The following TPRG1 variants were observed in gnomAD, a reference collection of about 807,000 sequenced individuals.
TPRG1 encodes the protein tumor protein p63 regulated 1, also known as tumor protein p63-regulated gene 1 protein.
A neutral mutation model predicts 29.3 loss-of-function variants in TPRG1; 29 were observed. The ratio of observed to expected loss-of-function variants is 0.99; its 90% CI spans 0.74 to 1.35. The LOEUF is 1.35. TPRG1 is among the 40% of genes most tolerant of loss of function. TPRG1 has a pLI of 0.00. For missense variants in TPRG1, 327 were observed against 335.0 expected (o/e 0.98, Z 0.19); for synonymous variants, 130 against 116.8 (o/e 1.11, Z -0.73).
chr3:189,225,494 A>C (rs1737586219), intron 3 of TPRG1, among the ~76,000 whole-genome samples: 1 of 152,206 alleles, frequency 6.6e-6, no homozygotes. Context: ...CAATAATTTA[A>C]ACATAGTCTT....
chr3:189,151,467 C>T (rs13087996), intron 5 of TPRG1, among the ~76,000 whole-genome samples: 42,561 of 151,926 alleles, frequency 0.28, 6,791 homozygotes, highest in South Asian at 0.43. Context: ...TAAGGTATTA[C>T]TTTGTGCTTA....
chr3:189,062,213 G>T (rs574609648), intron 4 of TPRG1, among the ~76,000 whole-genome samples: 1 of 151,994 alleles, frequency 6.6e-6, no homozygotes, highest in Admixed American at 6.6e-5. Flanking sequence ...ACGTGTTCTC[G>T]CTTGTAAGTA....
chr3:189,201,354 T>C (rs757894517), intron 1 of TPRG1, among the ~76,000 whole-genome samples: 1 of 152,178 alleles, frequency 6.6e-6, no homozygotes, highest in Non-Finnish European at 1.5e-5. Context: ...AATAGGATTT[T>C]TAAAAATCCC....
intron 3 of TPRG1, among the ~76,000 whole-genome samples, chr3:189,019,400 C>T (rs1403003287): frequency 6.6e-5 from 10 of 152,122 alleles, no homozygotes; most frequent in East Asian, 5.8e-4. Flanking sequence ...TTTTGAAATA[C>T]GTCCCATCAA....
At chr3:189,231,548 A>G (rs949169580) in intron 3 of TPRG1, among the ~76,000 whole-genome samples, 2 of 152,196 alleles carry the variant, frequency 1.3e-5, no homozygotes, top group African/African-American at 2.4e-5. Flanking sequence ...TTGGTATTGC[A>G]TTAAATTCTC....
intron 4 of TPRG1, among the ~76,000 whole-genome samples, chr3:189,064,295 A>G (rs1018340951): frequency 1.3e-5 from 2 of 152,176 alleles, no homozygotes; most frequent in African/African-American, 4.8e-5. Context: ...TGTTTAAAGC[A>G]TTCCTAGAAG....
chr3:189,105,607 T>A (rs926889228), intron 1 of TPRG1, among the ~76,000 whole-genome samples: 1 of 152,104 alleles, frequency 6.6e-6, no homozygotes, highest in African/African-American at 2.4e-5. Flanking sequence ...CCCTTTTCTA[T>A]CCCCAACAAC....
In TPRG1 at chr3:189,054,516, C is replaced by T. The variant is rs532124941; in HGVS notation, c.-463+30570C>T. ...TTTTTGGCGTGCCACAAACCATGCT[C>T]TTATAAAATGACAAATTTAAATGGC... On this transcript the variant is annotated intron_variant, in intron 4 of 10. Coordinates refer to the TPRG1 transcript ENST00000433971. 2.1e-3 allele frequency among the ~76,000 whole-genome samples: 326 copies of T among 151,990 alleles called. 2 individuals carry two copies. Among genetic ancestry groups the T allele is most frequent in the African/African-American group, 7.6e-3 (317 of 41,470 alleles).
chr3:189,073,063 A>G (rs989696873), intron 4 of TPRG1, among the ~76,000 whole-genome samples: 1 of 152,174 alleles, frequency 6.6e-6, no homozygotes, highest in African/African-American at 2.4e-5. Flanking sequence ...TATTTCCACA[A>G]TGAGTACTGG....
intron 4 of TPRG1, among the ~76,000 whole-genome samples, chr3:189,265,101 A>T (rs975312127): frequency 1.3e-5 from 2 of 152,218 alleles, no homozygotes; most frequent in Non-Finnish European, 2.9e-5. Flanking sequence ...GACATTCATG[A>T]AAGTGTTCTG....
At chr3:189,040,248 T>G (rs1184482211) in intron 4 of TPRG1, among the ~76,000 whole-genome samples, 1 of 152,124 alleles carries the variant, frequency 6.6e-6, no homozygotes. Context: ...TTAATGAAAA[T>G]TAAATAGACT....
chr3:189,075,409 T>C lies in TPRG1; in HGVS notation c.-463+51463T>C, dbSNP rs188974013. 3.2e-4 allele frequency among the ~76,000 whole-genome samples: 49 copies of C among 152,340 alleles called. No homozygotes were observed. In the East Asian group the frequency reaches 6.9e-3, roughly 22 times the overall value. ...CTCGGCCTCCCAAAGTGCTAGGATT[T>C]ACAGGAGTGAGCCACTGCACCTGGT... On this transcript the variant is annotated intron_variant, in intron 4 of 10. Coordinates refer to the TPRG1 transcript ENST00000433971.
chr3:189,119,634 T>C (rs879055189), intron 1 of TPRG1, among the ~76,000 whole-genome samples: 6 of 152,154 alleles, frequency 3.9e-5, no homozygotes, highest in Non-Finnish European at 7.4e-5. Flanking sequence ...CCTGTGGTAG[T>C]GAATGAGTTC....
intron 3 of TPRG1, among the ~76,000 whole-genome samples, chr3:189,133,999 C>G (rs1440736557): frequency 2.6e-5 from 4 of 152,184 alleles, no homozygotes; most frequent in Non-Finnish European, 5.9e-5. Flanking sequence ...GTTATCTGGA[C>G]TACTCATACT....
chr3:189,256,892 G>C (rs1579067745), intron 4 of TPRG1, among the ~76,000 whole-genome samples: 1 of 152,144 alleles, frequency 6.6e-6, no homozygotes, highest in African/African-American at 2.4e-5. Flanking sequence ...TTGAGCCTAT[G>C]TGTGTCTTTG....
At chr3:189,183,332 G>T (rs998620550) in intron 1 of TPRG1, among the ~76,000 whole-genome samples, 11 of 152,100 alleles carry the variant, frequency 7.2e-5, no homozygotes, top group African/African-American at 2.2e-4. Flanking sequence ...GTAGAATATC[G>T]CAAGGCAAAT....
chr3:189,286,776 T>C (rs1426635537), intron 4 of TPRG1, among the ~76,000 whole-genome samples: 2 of 152,114 alleles, frequency 1.3e-5, no homozygotes, highest in Non-Finnish European at 2.9e-5. Context: ...GGAAACCATA[T>C]GACCAGAGAC....
intron 1 of TPRG1, among the ~76,000 whole-genome samples, chr3:189,206,739 G>C (rs1231503710): frequency 1.3e-5 from 2 of 151,464 alleles, no homozygotes; most frequent in Non-Finnish European, 2.9e-5. Flanking sequence ...GAGCACAAGG[G>C]ATCTACCAGC....
intron 3 of TPRG1, chr3:189,219,615 G>A (rs781319061): frequency 7.8e-7 from 1 of 1,288,984 alleles, no homozygotes. Context: ...GACACTTTAT[G>A]GAATTTCAAA....
Sources: allele counts gnomAD v4.1 joint callset (sites outside exome capture counted in the v4.1 genomes callset), GRCh38; gene constraint gnomAD v4.1.1; transcripts MANE v1.5; gene names NCBI Gene and HGNC (gene_info 2026-07-23, HGNC 2026-07-21).